The following ZFHX3 variants were observed in gnomAD, a reference collection of about 807,000 sequenced individuals.
ZFHX3 encodes zinc finger homeobox 3.
In ZFHX3, 42 loss-of-function variants were observed where a neutral mutation model predicts 279.1. The ratio of observed to expected loss-of-function variants is 0.15; its 90% CI spans 0.12 to 0.19. The LOEUF (loss-of-function observed/expected upper bound fraction) is 0.19, where lower values mean the gene tolerates loss of function less well. Among genes scored for constraint, ZFHX3 ranks in the 10% least tolerant of loss-of-function variants. The probability of loss-of-function intolerance (pLI) is 1.00; values close to 1 mark genes in which losing one functional copy is unlikely to be tolerated. For synonymous variants in ZFHX3, 2,293 were observed against 1,957.8 expected (o/e 1.17, Z -4.52); for missense variants, 4,981 against 4,754.0 (o/e 1.05, Z -1.40).
chr16:73,279,728 A>G (rs759021603), intron 4 of ZFHX3, among the ~76,000 whole-genome samples: 1 of 152,168 alleles, frequency 6.6e-6, no homozygotes, highest in Non-Finnish European at 1.5e-5. Flanking sequence ...ACATGAGGAC[A>G]TACAGCTGCA....
At chr16:73,807,824 G>A (rs1960322399) in intron 1 of ZFHX3, among the ~76,000 whole-genome samples, 1 of 151,586 alleles carries the variant, frequency 6.6e-6, no homozygotes, top group Non-Finnish European at 1.5e-5. Flanking sequence ...ATTCACGCGG[G>A]ACTCTAATGT....
At chr16:73,039,558 G>C (rs1965037501) in intron 1 of ZFHX3, among the ~76,000 whole-genome samples, 1 of 152,120 alleles carries the variant, frequency 6.6e-6, no homozygotes, top group Non-Finnish European at 1.5e-5. Context: ...GCATCTAGTG[G>C]GGAGATGCCA....
At chr16:73,237,742 C>G (rs1025048768) in intron 5 of ZFHX3, among the ~76,000 whole-genome samples, 2 of 151,960 alleles carry the variant, frequency 1.3e-5, no homozygotes, top group Non-Finnish European at 2.9e-5. Context: ...TTCTCATAGC[C>G]TATGTTATTT....
intron 1 of ZFHX3, among the ~76,000 whole-genome samples, chr16:72,961,884 T>TAAACCAAACCAAACC (rs57537362): frequency 2.4e-4 from 36 of 149,858 alleles, no homozygotes; most frequent in African/African-American, 7.1e-4. Context: ...ATGACTACAG[T>TAAACCAAACCAAACC]AAACCAAACC....
intron 1 of ZFHX3, among the ~76,000 whole-genome samples, chr16:73,773,839 C>A (rs1480616657): frequency 6.6e-6 from 1 of 152,114 alleles, no homozygotes; most frequent in African/African-American, 2.4e-5. Flanking sequence ...TACAACACTT[C>A]TAAAAAGTTG....
chr16:73,115,497 C>A (rs953101293), intron 7 of ZFHX3, among the ~76,000 whole-genome samples: 13 of 151,892 alleles, frequency 8.6e-5, no homozygotes, highest in Non-Finnish European at 1.8e-4. Context: ...CTGCAGTGAA[C>A]CGGGATCATG....
intron 3 of ZFHX3, among the ~76,000 whole-genome samples, chr16:73,425,370 C>A (rs1427327888): frequency 6.6e-6 from 1 of 152,154 alleles, no homozygotes; most frequent in Non-Finnish European, 1.5e-5. Context: ...ACACACCTAG[C>A]AATTTATGAA....
upstream of ZFHX3, among the ~76,000 whole-genome samples, chr16:73,062,816 G>A (rs1350813204): frequency 6.6e-6 from 1 of 152,200 alleles, no homozygotes; most frequent in Non-Finnish European, 1.5e-5. Context: ...ATCTAAGGAA[G>A]GGGTTGGAGG....
At chr16:73,550,670 T>C (rs2020190289) in intron 2 of ZFHX3, among the ~76,000 whole-genome samples, 1 of 152,250 alleles carries the variant, frequency 6.6e-6, no homozygotes, top group African/African-American at 2.4e-5. Context: ...GATTTTTCTC[T>C]TTCTTCTAAG....
At chr16:73,190,079 T>C (rs1397690206) in intron 5 of ZFHX3, among the ~76,000 whole-genome samples, 2 of 152,094 alleles carry the variant, frequency 1.3e-5, no homozygotes, top group Non-Finnish European at 2.9e-5. Flanking sequence ...TAGGAAGAAG[T>C]CTTTTTGTTT....
At chr16:73,759,553 A>C (rs1179851300) in intron 1 of ZFHX3, among the ~76,000 whole-genome samples, 2 of 152,180 alleles carry the variant, frequency 1.3e-5, no homozygotes, top group African/African-American at 4.8e-5. Flanking sequence ...AATTACAGAG[A>C]AGTATGGGGA....
intron 3 of ZFHX3, among the ~76,000 whole-genome samples, chr16:72,907,545 T>TTTTGTGTGTGTGTGTG (rs1394689944): frequency 1.7e-5 from 2 of 120,404 alleles, no homozygotes; most frequent in African/African-American, 6.4e-5. Flanking sequence ...TTTCCTCTAT[T>TTTTGTGTGTGTGTGTG]TGTGTGTGTG....
chr16:73,146,987 A>G lies in ZFHX3; in HGVS notation c.-1103-3156T>C, dbSNP rs373191150. Among the ~76,000 whole-genome samples, 413 of 152,336 alleles carry G rather than the reference A, an allele frequency of 2.7e-3. 3 individuals are homozygous for G. The highest frequency in any genetic ancestry group is 9.3e-3 in the African/African-American group (385 of 41,572). On this transcript the variant is annotated intron_variant, in intron 5 of 17. Transcript: ENST00000641206. ...GTACTAGTTCTTAAGCCTCTTATTA[A>G]TAGAAGTAGTAAAACATCCTAGGGA... is the stretch of plus-strand genomic sequence containing the variant.
rs1201749295 is a variant in ZFHX3, at chr16:73,779,326, G to T, written c.-1607-99086C>A. On this transcript the variant is annotated intron_variant, in intron 1 of 17. Coordinates refer to the ZFHX3 transcript ENST00000641206. ...ACTATTCAGTTATAGTAATTGCCCA[G>T]AAATTAATTTTTAAGTTAGTGATGA... Among the ~76,000 whole-genome samples, 4 of 152,232 alleles carry T rather than the reference G, an allele frequency of 2.6e-5. No homozygotes were observed. The South Asian group carries it at 6.2e-4, about 24-fold the overall frequency.
intron 3 of ZFHX3, among the ~76,000 whole-genome samples, chr16:73,372,587 T>C (rs907655311): frequency 1.3e-5 from 2 of 152,254 alleles, no homozygotes; most frequent in Admixed American, 6.5e-5. Flanking sequence ...AGTTGTTGTT[T>C]AATTAGAATG....
At chr16:73,523,383 T>C (rs1451645191) in intron 2 of ZFHX3, among the ~76,000 whole-genome samples, 1 of 152,174 alleles carries the variant, frequency 6.6e-6, no homozygotes, top group African/African-American at 2.4e-5. Flanking sequence ...GGGTTTTATA[T>C]GCTCTGCTGA....
chr16:73,844,474 T>C (rs145933239), intron 1 of ZFHX3, among the ~76,000 whole-genome samples: 1 of 152,208 alleles, frequency 6.6e-6, no homozygotes. Context: ...AGACTTCCTA[T>C]GTGACAGGAA....
intron 2 of ZFHX3, among the ~76,000 whole-genome samples, chr16:73,600,772 G>C (rs1477513355): frequency 6.6e-6 from 1 of 152,040 alleles, no homozygotes; most frequent in Non-Finnish European, 1.5e-5. Context: ...CATTAGGCTT[G>C]TCTTTGTCAA....
At chr16:73,310,049 C>T (rs1567446749) in intron 4 of ZFHX3, among the ~76,000 whole-genome samples, 2 of 151,702 alleles carry the variant, frequency 1.3e-5, no homozygotes, top group Non-Finnish European at 2.9e-5. Context: ...GCTGGGATTA[C>T]AGGTGCCCAC....
Sources: gnomAD v4.1 joint callset for allele counts (sites outside exome capture counted in the v4.1 genomes callset) on GRCh38, gnomAD v4.1.1 for gene constraint, MANE v1.5 for transcripts, NCBI Gene and HGNC (gene_info 2026-07-23, HGNC 2026-07-21) for gene names.